SORBS2: variants seen among roughly 807,000 people sequenced by gnomAD.
The protein encoded by SORBS2 is sorbin and SH3 domain-containing protein 2.
A neutral mutation model predicts 97.7 loss-of-function variants in SORBS2; 46 were observed. The ratio of observed to expected loss-of-function variants is 0.47; its 90% CI spans 0.37 to 0.60. The LOEUF is 0.60. Ranked by LOEUF, SORBS2 falls within the 20% of genes least tolerant of loss-of-function variation. The pLI is 0.00. For synonymous variants in SORBS2, 476 were observed against 473.4 expected, an observed-to-expected ratio of 1.01 and a Z score of -0.07; for missense variants, 1,316 against 1,282.3, an observed-to-expected ratio of 1.03 and a Z score of -0.40.
chr4:185,726,665 G>A (rs2098556364), intron 2 of SORBS2, among the ~76,000 whole-genome samples: 1 of 151,232 alleles, frequency 6.6e-6, no homozygotes, highest in South Asian at 2.1e-4. Context: ...CACTAGACTT[G>A]GCTTGAATGA....
chr4:185,939,153 ATTACT>A (rs553986907), intron 1 of SORBS2, among the ~76,000 whole-genome samples: 30 of 152,238 alleles, frequency 2.0e-4, no homozygotes, highest in African/African-American at 6.7e-4. Flanking sequence ...TCTGACAAAA[ATTACT>A]TTATTTTTCA....
intron 1 of SORBS2, among the ~76,000 whole-genome samples, chr4:185,867,053 C>T (rs939159964): frequency 3.3e-5 from 5 of 151,636 alleles, no homozygotes; most frequent in African/African-American, 1.2e-4. Flanking sequence ...ACTCTTTCAC[C>T]CAGGCTGGAG....
chr4:185,868,950 G>C (rs904427944), intron 1 of SORBS2, among the ~76,000 whole-genome samples: 2 of 152,232 alleles, frequency 1.3e-5, no homozygotes, highest in Admixed American at 1.3e-4. Flanking sequence ...ACCTGGAGGA[G>C]AAACAATGCT....
intron 4 of SORBS2, among the ~76,000 whole-genome samples, chr4:185,669,822 A>G (rs1291689640): frequency 6.6e-6 from 1 of 152,096 alleles, no homozygotes; most frequent in Non-Finnish European, 1.5e-5. Context: ...CAAAATCTAC[A>G]TTTTTGCTTA....
chr4:185,623,630 G>C lies in SORBS2; in HGVS notation c.1499C>G (p.Ser500Cys), dbSNP rs762248193. 1 of 1,614,002 alleles carries C rather than the reference G, an allele frequency of 6.2e-7. No homozygotes were observed. ...CACAACCCCGTCCTGGTCGCTGTCG[G>C]AAAACTCCACGTGTGCTCGGGGCTG... The change falls in exon 7 of 15, where the codon TCC (serine) becomes TGC (cysteine). Residue 500 changes from serine (S) to cysteine (C), a missense_variant. By Grantham distance (112) the Ser-to-Cys change is moderately radical. Transcript: ENST00000418609. This position sits in a 1 kb window ranked among gnomAD's most constrained non-coding sequence, Gnocchi z 6.4.
intron 2 of SORBS2, among the ~76,000 whole-genome samples, chr4:185,763,862 G>A (rs989359491): frequency 1.3e-5 from 2 of 152,194 alleles, no homozygotes; most frequent in East Asian, 3.9e-4. Context: ...ACCAGCTTTC[G>A]CATTTTAGCA....
At position 185,623,929 on chromosome 4, in the gene SORBS2, G is replaced by A. The variant is rs144841252; in HGVS notation, c.1200C>T (p.Cys400=). 9.0e-5 allele frequency: 146 copies of A among 1,614,078 alleles called. 1 individual carries two copies. In the African/African-American group the frequency reaches 1.7e-3, roughly 19 times the overall value. The change falls in exon 7 of 15, where the codon TGC becomes TGT. Residue 400 remains cysteine (C), a synonymous_variant. Transcript: ENST00000418609. The surrounding 1 kb of genome is among the most constrained non-coding windows in gnomAD (Gnocchi z 6.4). Reference sequence around the variant, plus strand: ...TGTCCCGGGGCACCTCCTCCGTGGAGCACTGGCTCCAGGCGCGCAGCAGGT... The same window carrying A: ...TGTCCCGGGGCACCTCCTCCGTGGAACACTGGCTCCAGGCGCGCAGCAGGT...
In SORBS2 at chr4:185,627,022, G is replaced by A. The variant is rs752026639; in HGVS notation, c.447-3C>T. The A allele has an allele frequency of 4.3e-6, 7 of 1,613,932 alleles. No individual in the cohort carries two copies. Among genetic ancestry groups the A allele is most frequent in the Non-Finnish European group, 5.9e-6 (7 of 1,179,980 alleles). On this transcript the variant is annotated splice_region_variant and splice_polypyrimidine_tract_variant and intron_variant, in intron 5 of 14. Transcript: ENST00000418609. ...AGTCACTGGCCATGCTTGCAGAACT[G>A]AAAGAAGGAATCAGATCTGTTTGAT...
intron 7 of SORBS2, 88 bp downstream of exon 19, chr4:185,622,826 G>A (rs935200791): frequency 1.9e-5 from 26 of 1,340,008 alleles, no homozygotes; most frequent in Non-Finnish European, 2.3e-5. Flanking sequence ...CTCCCAGCTC[G>A]GGAGTGATGA....
At chr4:185,879,266 G>A (rs550464560) in intron 1 of SORBS2, among the ~76,000 whole-genome samples, 28 of 147,916 alleles carry the variant, frequency 1.9e-4, no homozygotes, top group African/African-American at 6.3e-4. Context: ...GAGAACATGC[G>A]GTGTTTGGTT....
At chr4:185,827,935 CCATCATCAT>C (rs539610381) in intron 1 of SORBS2, among the ~76,000 whole-genome samples, 1 of 137,498 alleles carries the variant, frequency 7.3e-6, no homozygotes, top group African/African-American at 2.9e-5. Flanking sequence ...ACCATCATCA[CCATCATCAT>C]CATCATCATC....
intron 2 of SORBS2, among the ~76,000 whole-genome samples, chr4:185,731,862 CTCTCTATATATATATATA>C (rs1252818253): frequency 5.2e-3 from 158 of 30,548 alleles, no homozygotes; most frequent in African/African-American, 0.016. Flanking sequence ...CTCTCTCTCT[CTCTCTATATATATATATA>C]TATATATATA....
intron 4 of SORBS2, among the ~76,000 whole-genome samples, chr4:185,670,458 T>C (rs928128663): frequency 1.3e-5 from 2 of 152,182 alleles, no homozygotes; most frequent in African/African-American, 4.8e-5. Flanking sequence ...CATCTCTCTC[T>C]TAACACCTTT....
intron 4 of SORBS2, 133 bp from the exon 16 acceptor site, chr4:185,635,544 C>G (rs2096981986): frequency 4.5e-6 from 3 of 673,230 alleles, no homozygotes; most frequent in Non-Finnish European, 7.8e-6. Context: ...GCTACACAAA[C>G]AGAATGACAT....
Position 185,606,933 on chromosome 4 carries a change from C to T in SORBS2, c.2796+4847G>A. ...TTTTAGGGTCTGAGAAGCCCCTTCT[C>T]ATTTTTCTCAACTCTGCAAAGTTGC... On this transcript the variant is annotated intron_variant, in intron 12 of 14. Transcript: ENST00000418609. The surrounding 1 kb of genome is among the most constrained non-coding windows in gnomAD (Gnocchi z 4.3). The T allele has an allele frequency of 1.0e-6, 1 of 991,006 alleles. No individual in the cohort carries two copies. The highest frequency in any genetic ancestry group is 1.2e-6 in the Non-Finnish European group (1 of 833,066). 61.4% of individuals were successfully genotyped at this position (991,006 alleles called of 1,614,324 possible).
At chr4:185,631,677 G>A (rs915090706) in intron 4 of SORBS2, among the ~76,000 whole-genome samples, 5 of 152,140 alleles carry the variant, frequency 3.3e-5, no homozygotes, top group Non-Finnish European at 7.3e-5. Context: ...CAGGAGAATT[G>A]CTTGAATCTG....
At chr4:185,596,608 C>G (rs1425133386) in intron 12 of SORBS2, among the ~76,000 whole-genome samples, 1 of 137,268 alleles carries the variant, frequency 7.3e-6, no homozygotes, top group African/African-American at 2.8e-5. Context: ...GATCTTGGCT[C>G]ACTGCAACCT....
chr4:185,859,089 A>G (rs936368162), intron 1 of SORBS2, among the ~76,000 whole-genome samples: 1 of 143,946 alleles, frequency 6.9e-6, no homozygotes, highest in African/African-American at 2.4e-5. Flanking sequence ...GGAAATTGCC[A>G]AGAAAACAAC....
chr4:185,737,202 T>A (rs1390684810), intron 2 of SORBS2, among the ~76,000 whole-genome samples: 2 of 152,230 alleles, frequency 1.3e-5, no homozygotes, highest in African/African-American at 4.8e-5. Flanking sequence ...GAGAGGTTAA[T>A]CTTGCTTAGA....
Sources: gnomAD v4.1 joint callset for allele counts (sites outside exome capture counted in the v4.1 genomes callset) on GRCh38, gnomAD v4.1.1 for gene constraint, Gnocchi (gnomAD v3.1) non-coding constraint, MANE v1.5 for transcripts, NCBI Gene and HGNC (gene_info 2026-07-23, HGNC 2026-07-21) for gene names.